Variants in NCBP3 observed in about 807,000 individuals in gnomAD.
NCBP3 encodes the protein nuclear cap-binding protein subunit 3.
NCBP3 carries 20 observed loss-of-function variants against 75.7 expected under a neutral mutation model. The observed-to-expected ratio is 0.26, with a 90% CI of 0.19 to 0.38. The LOEUF is 0.38. NCBP3 is among the 10% of genes least tolerant of loss of function. NCBP3 has a pLI of 1.00. For missense variants in NCBP3, 678 were observed against 796.9 expected, an observed-to-expected ratio of 0.85 and a Z score of 1.80; for synonymous variants, 293 against 290.5, an observed-to-expected ratio of 1.01 and a Z score of -0.09.
In NCBP3 at chr17:3,833,833, A is replaced by G. The variant is rs77780172; in HGVS notation, c.356-4465T>C. ...GTTTTCTATGCTAGTCTCATTTAAAATTAAATTTTTTGTCAGATCAATAAG... is the reference window on the plus strand; with the variant it reads ...GTTTTCTATGCTAGTCTCATTTAAAGTTAAATTTTTTGTCAGATCAATAAG... On this transcript the variant is annotated intron_variant, in intron 3 of 12. Transcript: ENST00000389005. Among the ~76,000 whole-genome samples, 442 of 152,254 alleles carry G rather than the reference A, an allele frequency of 2.9e-3. 2 individuals carry two copies. The highest frequency in any genetic ancestry group is 9.7e-3 in the African/African-American group (403 of 41,558).
chr17:3,843,323 G>A (rs961070601), intron 1 of NCBP3, among the ~76,000 whole-genome samples, 172 bp from the exon 2 acceptor site: 7 of 147,466 alleles, frequency 4.7e-5, no homozygotes, highest in East Asian at 2.0e-4. Context: ...ACAGCTCACC[G>A]CAGCCTCGAC....
intron 11 of NCBP3, among the ~76,000 whole-genome samples, chr17:3,814,961 T>A (rs566653914): frequency 6.6e-6 from 1 of 152,178 alleles, no homozygotes; most frequent in East Asian, 1.9e-4. Flanking sequence ...TCCTCTTGAG[T>A]TCCCCCTAAC....
chr17:3,840,062 G>C (rs1375914309), intron 3 of NCBP3, 38 bp downstream of exon 3: 7 of 1,498,946 alleles, frequency 4.7e-6, no homozygotes, highest in African/African-American at 1.4e-5. Flanking sequence ...GCACTCTCTG[G>C]GGAAATGTGG....
intron 1 of NCBP3, among the ~76,000 whole-genome samples, chr17:3,843,892 CCT>C (rs759230212): frequency 1.3e-5 from 2 of 152,154 alleles, no homozygotes; most frequent in African/African-American, 4.8e-5. Context: ...CTTCCCCACC[CCT>C]GACAACCTTT....
chr17:3,845,638 G>A (rs1038630724), intron 1 of NCBP3, among the ~76,000 whole-genome samples: 7 of 152,180 alleles, frequency 4.6e-5, no homozygotes, highest in Non-Finnish European at 1.0e-4. Context: ...GACCCACAAG[G>A]AGACCTGGTT....
intron 4 of NCBP3, among the ~76,000 whole-genome samples, chr17:3,827,362 T>A (rs954143113): frequency 2.0e-5 from 3 of 152,236 alleles, no homozygotes; most frequent in Non-Finnish European, 4.4e-5. Flanking sequence ...GGAAGCCCTT[T>A]GCTGCTCCTT....
intron 3 of NCBP3, among the ~76,000 whole-genome samples, chr17:3,833,497 C>T (rs920053447): frequency 1.3e-5 from 2 of 152,058 alleles, no homozygotes; most frequent in African/African-American, 4.8e-5. Flanking sequence ...ATGTGTACGA[C>T]TTTCCCTAAA....
rs1008753058 is a variant in NCBP3, at chr17:3,818,960, A to G, written c.1001-388T>C. Among the ~76,000 whole-genome samples, 2 of 152,190 alleles carry G rather than the reference A, an allele frequency of 1.3e-5. No homozygotes were observed. The highest frequency in any genetic ancestry group is 4.8e-5 in the African/African-American group (2 of 41,456). On this transcript the variant is annotated intron_variant, in intron 9 of 12. Coordinates refer to ENST00000389005, the MANE Select transcript of NCBP3 (RefSeq NM_001114118.3). The surrounding 1 kb of genome is among the most constrained non-coding windows in gnomAD (Gnocchi z 4.7). ...CACCAGGCACACACACTCCCAGTGG[A>G]GGTCAAACAAAGCAACACTCCACCT...
chr17:3,815,813 A>C (rs1394287644), intron 11 of NCBP3, among the ~76,000 whole-genome samples: 2 of 152,142 alleles, frequency 1.3e-5, no homozygotes, highest in Admixed American at 6.5e-5. Context: ...TATATAAGGG[A>C]CTTAAGCATC....
intron 2 of NCBP3, among the ~76,000 whole-genome samples, chr17:3,840,487 C>T (rs544802402): frequency 8.5e-5 from 13 of 152,142 alleles, no homozygotes; most frequent in Non-Finnish European, 1.6e-4. Flanking sequence ...AATGAATAGT[C>T]CTTTAAAGTT....
In NCBP3 at chr17:3,810,438, ATGTAAAATC is replaced by A. The variant is rs1281292556; in HGVS notation, c.*2597_*2605del. The stretch of plus-strand genomic sequence containing the variant: ...AATTATCATCAAGCAGCAAACATGT[ATGTAAAATC>A]TCCTACACATAAGACTAAGAGGAAC... On this transcript the variant is annotated 3_prime_UTR_variant, in exon 13 of 13. Coordinates refer to ENST00000389005, the MANE Select transcript of NCBP3 (RefSeq NM_001114118.3). 10 of 152,220 alleles carry A rather than the reference ATGTAAAATC, an allele frequency of 6.6e-5. No individual in the cohort carries two copies. Among genetic ancestry groups the A allele is most frequent in the Non-Finnish European group, 1.3e-4 (9 of 68,052 alleles). 9.4% of individuals were successfully genotyped at this position (152,220 alleles called of 1,614,324 possible).
rs1463048561 is a variant in NCBP3, at chr17:3,807,864, G to A, written c.*5180C>T. The A allele has an allele frequency of 1.3e-5, 2 of 152,252 alleles. No homozygotes were observed. Among genetic ancestry groups the A allele is most frequent in the South Asian group, 2.1e-4 (1 of 4,828 alleles). 9.4% of individuals were successfully genotyped at this position (152,252 alleles called of 1,614,324 possible). A position where few individuals can be genotyped will look rare whatever the true frequency, so the allele number is the denominator to read the frequency against. On this transcript the variant is annotated 3_prime_UTR_variant, in exon 13 of 13. Transcript: ENST00000389005. ...AGCAGACACGGTCCCTGCTCTCACG[G>A]AGCTTACAGTCTAGCAAGACAAACT... is the stretch of plus-strand genomic sequence containing the variant.
At chr17:3,827,713 G>C (rs768672378) in intron 4 of NCBP3, among the ~76,000 whole-genome samples, 1 of 152,104 alleles carries the variant, frequency 6.6e-6, no homozygotes, top group Non-Finnish European at 1.5e-5. Flanking sequence ...AATAATACAA[G>C]GTAGGTGAAC....
At chr17:3,829,086 C>T (rs550282334) in intron 4 of NCBP3, among the ~76,000 whole-genome samples, 157 bp downstream of exon 4, 73 of 152,264 alleles carry the variant, frequency 4.8e-4, no homozygotes, top group Non-Finnish European at 8.8e-4. Flanking sequence ...GGGCATGCTG[C>T]GTTTCACTGC....
Position 3,812,427 on chromosome 17 carries a change from G to A in NCBP3, c.*617C>T. 11 of 777,870 alleles carry A rather than the reference G, an allele frequency of 1.4e-5. No homozygotes were observed. Among genetic ancestry groups the A allele is most frequent in the Non-Finnish European group, 1.7e-5 (11 of 639,604 alleles). The allele number at this position is 777,870 out of a possible 1,614,324, so 48.2% of individuals were successfully genotyped here. On this transcript the variant is annotated 3_prime_UTR_variant, in exon 13 of 13. Transcript: ENST00000389005. ...CACATCAAGCTGACAGCACGTAAGA[G>A]GCCCATGCCATGAGCAATCCCCGAG...
Position 3,812,667 on chromosome 17 carries a change from A to C in NCBP3, c.*377T>G. 1 of 1,040,404 alleles carries C rather than the reference A, an allele frequency of 9.6e-7. No individual in the cohort carries two copies. The highest frequency in any genetic ancestry group is 1.2e-6 in the Non-Finnish European group (1 of 863,040). The allele number at this position is 1,040,404 out of a possible 1,614,324, so 64.4% of individuals were successfully genotyped here. ...GTGCTGGTAACAGCTGTCAGGGCCA[A>C]GGCAATAGTGAGAAGTTCAGTTCTC... On this transcript the variant is annotated 3_prime_UTR_variant, in exon 13 of 13. Coordinates refer to ENST00000389005, the MANE Select transcript of NCBP3 (RefSeq NM_001114118.3).
chr17:3,827,727 G>A (rs886716901), intron 4 of NCBP3, among the ~76,000 whole-genome samples: 3 of 152,182 alleles, frequency 2.0e-5, no homozygotes, highest in Non-Finnish European at 2.9e-5. Flanking sequence ...GGTGAACTAT[G>A]TAATTCTGAG....
rs557871980 is a variant in NCBP3, at chr17:3,823,962, G to A, written c.796+980C>T. 2.0e-5 allele frequency: 3 copies of A among 152,192 alleles called. No individual in the cohort carries two copies. The East Asian group carries it at 5.8e-4, about 29-fold the overall frequency. The allele number at this position is 152,192 out of a possible 1,614,324, so 9.4% of individuals were successfully genotyped here. ...AATCATCAGACAAACCCAAACTGAG[G>A]GACATTGTATAAAATAGTAAACCTA... is the stretch of plus-strand genomic sequence containing the variant. On this transcript the variant is annotated intron_variant, in intron 7 of 12. Transcript: ENST00000389005.
intron 9 of NCBP3, among the ~76,000 whole-genome samples, chr17:3,819,167 C>T (rs1355606237): frequency 1.3e-5 from 2 of 152,112 alleles, no homozygotes; most frequent in African/African-American, 2.4e-5. Context: ...GGAAAAATAC[C>T]ATATCAGGTA....
Sources: gnomAD v4.1 joint callset for allele counts (sites outside exome capture counted in the v4.1 genomes callset) on GRCh38, gnomAD v4.1.1 for gene constraint, Gnocchi (gnomAD v3.1) non-coding constraint, MANE v1.5 for transcripts, NCBI Gene and HGNC (gene_info 2026-07-23, HGNC 2026-07-21) for gene names.